The following ROBO2 variants were observed in gnomAD, a reference collection of about 807,000 sequenced individuals.
ROBO2 encodes roundabout homolog 2.
A neutral mutation model predicts 160.8 loss-of-function variants in ROBO2; 53 were observed. That is an observed-to-expected ratio of 0.33 (90% CI 0.26 to 0.41). ROBO2 has a LOEUF of 0.41. Ranked by LOEUF, ROBO2 falls within the 10% of genes least tolerant of loss-of-function variation. The pLI is 1.00. For synonymous variants in ROBO2, 664 were observed against 611.7 expected (o/e 1.09, Z -1.26); for missense variants, 1,577 against 1,722.4 (o/e 0.92, Z 1.49).
At chr3:77,251,702 G>A (rs1472901085) in intron 2 of ROBO2, among the ~76,000 whole-genome samples, 1 of 152,000 alleles carries the variant, frequency 6.6e-6, no homozygotes, top group Non-Finnish European at 1.5e-5. Context: ...TCACGGGGGC[G>A]GTCTCCCCCA....
intron 2 of ROBO2, among the ~76,000 whole-genome samples, chr3:76,836,005 T>C (rs1379677835): frequency 2.6e-5 from 4 of 152,028 alleles, no homozygotes; most frequent in Non-Finnish European, 5.9e-5. Flanking sequence ...AATAGATGGA[T>C]TGTAAGAACA....
chr3:76,792,797 T>A (rs1040945714), intron 2 of ROBO2, among the ~76,000 whole-genome samples: 2 of 151,738 alleles, frequency 1.3e-5, no homozygotes, highest in Non-Finnish European at 2.9e-5. Flanking sequence ...TTCTAAGTTG[T>A]AGGATATGAA....
At chr3:75,937,723 G>C (rs7610755) in intron 2 of ROBO2, 534,847 of 537,276 alleles carry the variant, frequency 1, 266,251 homozygotes, top group Non-Finnish European at 1. Flanking sequence ...CCAGGTTTTT[G>C]TTACACGGTA....
chr3:77,597,892 G>A (rs908003101), intron 19 of ROBO2, among the ~76,000 whole-genome samples: 4 of 152,114 alleles, frequency 2.6e-5, no homozygotes, highest in African/African-American at 4.8e-5. Flanking sequence ...GCCACATAGA[G>A]AATTTAGACT....
At chr3:75,951,959 T>G (rs899784656) in intron 2 of ROBO2, among the ~76,000 whole-genome samples, 3 of 152,014 alleles carry the variant, frequency 2.0e-5, no homozygotes, top group Admixed American at 2.0e-4. Flanking sequence ...AGCTTAATAC[T>G]AATATTAAGC....
intron 2 of ROBO2, among the ~76,000 whole-genome samples, chr3:76,423,468 A>C (rs2076079815): frequency 6.6e-6 from 1 of 152,186 alleles, no homozygotes; most frequent in South Asian, 2.1e-4. Flanking sequence ...ACATGAGAAT[A>C]GCTGAGTAGA....
intron 2 of ROBO2, among the ~76,000 whole-genome samples, chr3:76,977,046 A>G (rs1380726377): frequency 2.6e-5 from 4 of 152,196 alleles, no homozygotes; most frequent in African/African-American, 4.8e-5. Flanking sequence ...CATGTTGGAA[A>G]TGGCATCCTA....
At chr3:76,036,525 A>G (rs2067114736) in intron 2 of ROBO2, among the ~76,000 whole-genome samples, 1 of 150,314 alleles carries the variant, frequency 6.7e-6, no homozygotes, top group Non-Finnish European at 1.5e-5. Flanking sequence ...TTTTTTTGAA[A>G]CAGAGTTTCA....
intron 2 of ROBO2, among the ~76,000 whole-genome samples, chr3:76,289,501 C>T (rs1476333312): frequency 6.6e-6 from 1 of 151,962 alleles, no homozygotes; most frequent in Non-Finnish European, 1.5e-5. Context: ...TTGATTAGGT[C>T]CTACTTTTCA....
chr3:77,096,390 C>G (rs568137054), intron 1 of ROBO2, among the ~76,000 whole-genome samples: 1 of 151,456 alleles, frequency 6.6e-6, no homozygotes, highest in African/African-American at 2.4e-5. Context: ...ACACATTATG[C>G]AAAAATTTGA....
At chr3:76,909,111 C>T (rs1266610041) in intron 2 of ROBO2, among the ~76,000 whole-genome samples, 3 of 152,082 alleles carry the variant, frequency 2.0e-5, no homozygotes, top group Non-Finnish European at 4.4e-5. Context: ...CCTGTTGTCC[C>T]AACTACTCTG....
At chr3:77,516,402 A>G (rs2090024361) in intron 5 of ROBO2, among the ~76,000 whole-genome samples, 1 of 151,582 alleles carries the variant, frequency 6.6e-6, no homozygotes, top group African/African-American at 2.4e-5. Context: ...TTATTGTCAT[A>G]TTTTATTTTC....
intron 2 of ROBO2, among the ~76,000 whole-genome samples, chr3:77,000,385 G>A (rs1330201210): frequency 6.6e-6 from 1 of 152,122 alleles, no homozygotes. Context: ...CCCTTTGCCA[G>A]CCTCTCAGTC....
chr3:77,619,959 G>A (rs1272830942), intron 22 of ROBO2, among the ~76,000 whole-genome samples: 3 of 152,178 alleles, frequency 2.0e-5, no homozygotes, highest in Admixed American at 6.6e-5. Context: ...AAAGGCCTAG[G>A]TTTTCACCCC....
intron 2 of ROBO2, among the ~76,000 whole-genome samples, chr3:77,140,277 G>T (rs531518091): frequency 8.3e-4 from 126 of 152,150 alleles, no homozygotes; most frequent in African/African-American, 2.9e-3. Context: ...TGGGAGGGGG[G>T]ACAAATAATG....
chr3:76,083,622 T>C (rs2068911177), intron 2 of ROBO2, among the ~76,000 whole-genome samples: 1 of 152,142 alleles, frequency 6.6e-6, no homozygotes, highest in African/African-American at 2.4e-5. Context: ...TTTAGATTCA[T>C]AGAGCACTTT....
chr3:76,475,903 A>G (rs952724344), intron 2 of ROBO2, among the ~76,000 whole-genome samples: 3 of 152,130 alleles, frequency 2.0e-5, no homozygotes, highest in African/African-American at 7.2e-5. Context: ...CTGTAATCCC[A>G]ACACTTTGAG....
chr3:75,980,871 G>A (rs1011259338), intron 2 of ROBO2, among the ~76,000 whole-genome samples: 4 of 149,990 alleles, frequency 2.7e-5, no homozygotes, highest in Non-Finnish European at 4.5e-5. Context: ...ATAAGATAGG[G>A]AATAATAACA....
At chr3:76,537,976 T>C (rs748770742) in intron 2 of ROBO2, among the ~76,000 whole-genome samples, 6 of 151,832 alleles carry the variant, frequency 4.0e-5, no homozygotes, top group Non-Finnish European at 8.8e-5. Flanking sequence ...GAACCAGTCA[T>C]AGTGGTGGAA....
Sources: gnomAD v4.1 joint callset for allele counts (sites outside exome capture counted in the v4.1 genomes callset) on GRCh38, gnomAD v4.1.1 for gene constraint, MANE v1.5 for transcripts, NCBI Gene and HGNC (gene_info 2026-07-23, HGNC 2026-07-21) for gene names.